RGS7: variants seen among roughly 807,000 people sequenced by gnomAD.
The protein encoded by RGS7 is regulator of G-protein signaling 7.
A neutral mutation model predicts 81.1 loss-of-function variants in RGS7; 27 were observed. The observed-to-expected ratio is 0.33, with a 90% CI of 0.25 to 0.46. The LOEUF (loss-of-function observed/expected upper bound fraction) is 0.46. RGS7 is among the 20% of genes least tolerant of loss of function. The pLI, the probability that RGS7 is intolerant of heterozygous loss-of-function variation, is 1.00. For missense variants in RGS7, 396 were observed against 607.4 expected, an observed-to-expected ratio of 0.65 and a Z score of 3.66; for synonymous variants, 208 against 207.7, an observed-to-expected ratio of 1.00 and a Z score of -0.01.
chr1:241,179,253 C>T (rs955385100), intron 2 of RGS7, among the ~76,000 whole-genome samples: 20 of 152,124 alleles, frequency 1.3e-4, no homozygotes, highest in African/African-American at 4.6e-4. Flanking sequence ...CACCACCATG[C>T]CCAGCTAATT....
chr1:241,186,167 G>A (rs776759490), intron 2 of RGS7, among the ~76,000 whole-genome samples: 3 of 151,978 alleles, frequency 2.0e-5, no homozygotes, highest in Non-Finnish European at 4.4e-5. Flanking sequence ...AATATTTAAG[G>A]AATAATAAAG....
intron 3 of RGS7, among the ~76,000 whole-genome samples, chr1:241,010,384 A>G (rs2058899757): frequency 6.6e-6 from 1 of 152,168 alleles, no homozygotes; most frequent in Admixed American, 6.5e-5. Context: ...ATGGATTTAA[A>G]CAGTTAAGGC....
chr1:241,068,238 G>GTGTGTATA, intron 3 of RGS7, among the ~76,000 whole-genome samples: 794 of 35,690 alleles, frequency 0.022, 89 homozygotes, highest in African/African-American at 0.058. Context: ...GTGTGTGTGT[G>GTGTGTATA]TATATATATA....
rs148269339 is a variant in RGS7, at chr1:241,007,797, G to C, written c.176-24668C>G. On this transcript the variant is annotated intron_variant, in intron 3 of 18. Transcript: ENST00000440928. ...GCTGCTGGCAAGGAATTAGTAAAAG[G>C]TTTGCTGAGAGGTCCTGAGGGCCCA... Among the ~76,000 whole-genome samples the C allele has an allele frequency of 6.6e-3, 1,003 of 152,270 alleles. 14 individuals carry two copies. Among genetic ancestry groups the C allele is most frequent in the African/African-American group, 0.02 (838 of 41,552 alleles).
chr1:241,075,534 T>A (rs756293659), intron 3 of RGS7, among the ~76,000 whole-genome samples: 2 of 152,088 alleles, frequency 1.3e-5, no homozygotes, highest in Admixed American at 6.5e-5. Flanking sequence ...CTGAGCCACA[T>A]TGGAAGAAGA....
chr1:241,188,999 G>C (rs748486710), intron 2 of RGS7, among the ~76,000 whole-genome samples: 1 of 152,016 alleles, frequency 6.6e-6, no homozygotes, highest in Non-Finnish European at 1.5e-5. Context: ...TTTTGAGACA[G>C]GGTCTCACTC....
At position 240,789,385 on chromosome 1, in the gene RGS7, A is replaced by T. The variant is rs1264746040; in HGVS notation, c.*6+11256T>A. Among the ~76,000 whole-genome samples, 8 of 152,370 alleles carry T rather than the reference A, an allele frequency of 5.3e-5. 1 individual carries two copies. The highest frequency in any genetic ancestry group is 1.9e-4 in the African/African-American group (8 of 41,592). On this transcript the variant is annotated intron_variant, in intron 18 of 18. Transcript: ENST00000440928. ...CTGGGCACCTTGAGAAAAGAACAGG[A>T]TAACAGCAATGTTCAGGGAACAAGA... is the stretch of plus-strand genomic sequence containing the variant.
intron 4 of RGS7, among the ~76,000 whole-genome samples, chr1:240,943,771 A>T (rs1175756892): frequency 2.0e-5 from 3 of 152,166 alleles, no homozygotes; most frequent in African/African-American, 7.2e-5. Context: ...CGCTAGGTTT[A>T]CAAAACCATA....
intron 2 of RGS7, among the ~76,000 whole-genome samples, chr1:241,143,409 G>A (rs1167461403): frequency 6.6e-6 from 1 of 152,148 alleles, no homozygotes; most frequent in Non-Finnish European, 1.5e-5. Context: ...ATGTGGCTAG[G>A]GAAGCCTCAC....
At chr1:240,807,795 G>A (rs1689136819) in intron 14 of RGS7, among the ~76,000 whole-genome samples, 1 of 152,132 alleles carries the variant, frequency 6.6e-6, no homozygotes, top group Non-Finnish European at 1.5e-5. Flanking sequence ...AGCACTTTGG[G>A]AGGCTGAGGC....
chr1:240,804,512 G>A (rs1370394574), intron 15 of RGS7, among the ~76,000 whole-genome samples: 1 of 151,538 alleles, frequency 6.6e-6, no homozygotes, highest in Non-Finnish European at 1.5e-5. Context: ...GAAATCTAGG[G>A]CCAAGTGGTA....
At chr1:241,215,000 T>G (rs750908940) in intron 2 of RGS7, among the ~76,000 whole-genome samples, 4 of 152,200 alleles carry the variant, frequency 2.6e-5, no homozygotes, top group Non-Finnish European at 2.9e-5. Flanking sequence ...GTCTGCTAAC[T>G]CCAATATCAG....
intron 2 of RGS7, among the ~76,000 whole-genome samples, chr1:241,155,615 C>G (rs1572915434): frequency 7.4e-6 from 1 of 135,730 alleles, no homozygotes; most frequent in Admixed American, 7.4e-5. Flanking sequence ...TAGGCTGTTA[C>G]AAAAGTTAAA....
At chr1:241,243,531 C>A (rs1300544705) in intron 2 of RGS7, among the ~76,000 whole-genome samples, 2 of 151,952 alleles carry the variant, frequency 1.3e-5, no homozygotes, top group African/African-American at 4.8e-5. Context: ...GCCAACAAGA[C>A]AAAAATTAAT....
intron 18 of RGS7, among the ~76,000 whole-genome samples, chr1:240,793,035 T>C (rs1216358809): frequency 6.6e-6 from 1 of 152,166 alleles, no homozygotes; most frequent in Non-Finnish European, 1.5e-5. Context: ...CAAGACTTCA[T>C]ATTCATTGGA....
At chr1:240,835,333 A>C (rs563577522) in intron 9 of RGS7, among the ~76,000 whole-genome samples, 1 of 152,376 alleles carries the variant, frequency 6.6e-6, no homozygotes, top group East Asian at 1.9e-4. Context: ...AAATACATTT[A>C]TACAAAGATG....
intron 3 of RGS7, among the ~76,000 whole-genome samples, chr1:241,017,958 T>C (rs1420285683): frequency 9.0e-6 from 1 of 110,896 alleles, no homozygotes; most frequent in Admixed American, 8.5e-5. Flanking sequence ...GACTGCTTTG[T>C]CTCTCTATTT....
intron 2 of RGS7, among the ~76,000 whole-genome samples, chr1:241,139,824 C>T (rs2067799107): frequency 6.6e-6 from 1 of 152,182 alleles, no homozygotes. Flanking sequence ...ATTCATTTGA[C>T]TATTCGCAAC....
intron 2 of RGS7, among the ~76,000 whole-genome samples, chr1:241,260,450 C>T (rs2077272987): frequency 6.6e-6 from 1 of 152,166 alleles, no homozygotes; most frequent in Non-Finnish European, 1.5e-5. Context: ...TGTCTTCAAA[C>T]TGGCACACCT....
Sources: allele counts gnomAD v4.1 joint callset (sites outside exome capture counted in the v4.1 genomes callset), GRCh38; gene constraint gnomAD v4.1.1; transcripts MANE v1.5; gene names NCBI Gene and HGNC (gene_info 2026-07-23, HGNC 2026-07-21).